The following SEMA4G variants were observed in gnomAD, a reference collection of about 807,000 sequenced individuals.
SEMA4G encodes the protein semaphorin-4G.
In SEMA4G, 59 loss-of-function variants were observed where a neutral mutation model predicts 81.2. The observed-to-expected ratio is 0.73, with a 90% CI of 0.59 to 0.90. The LOEUF is 0.90. Ranked by LOEUF, SEMA4G falls within the 40% of genes least tolerant of loss-of-function variation. The pLI, the probability that SEMA4G is intolerant of heterozygous loss-of-function variation, is 0.00. For synonymous variants in SEMA4G, 404 were observed against 433.9 expected, an observed-to-expected ratio of 0.93 and a Z score of 0.86; for missense variants, 952 against 1,102.3, an observed-to-expected ratio of 0.86 and a Z score of 1.93.
Position 100,973,265 on chromosome 10 carries a change from G to T in SEMA4G, c.261G>T (p.Gly87=). 1 of 1,613,000 alleles carries T rather than the reference G, an allele frequency of 6.2e-7. No homozygotes were observed. Among genetic ancestry groups the T allele is most frequent in the African/African-American group, 1.3e-5 (1 of 75,024 alleles). Residue 87 remains glycine, a synonymous_variant, in exon 2 of 14, where the codon GGG becomes GGT. Transcript: ENST00000370250. This position sits in a 1 kb window ranked among gnomAD's most constrained non-coding sequence, Gnocchi z 5.5. ...TCAGTGCCAACGACATAGGAGATGGGGCTCACAAAGAGGTCAGGCCCTGGA... is the reference window on the plus strand; with the variant it reads ...TCAGTGCCAACGACATAGGAGATGGTGCTCACAAAGAGGTCAGGCCCTGGA...
chr10:100,980,825 A>G (rs1316773436), exon 12 of SEMA4G: 3 of 1,567,328 alleles, frequency 1.9e-6, no homozygotes, highest in Non-Finnish European at 2.6e-6. Flanking sequence ...CTCCCAGCAC[A>G]GCCTCTATGT....
intron 13 of SEMA4G, among the ~76,000 whole-genome samples, chr10:100,982,692 A>G (rs1851158524): frequency 1.3e-5 from 2 of 152,224 alleles, no homozygotes; most frequent in African/African-American, 4.8e-5. Context: ...CTCAGGAGCC[A>G]GAGGCAAGAT....
Position 100,973,775 on chromosome 10 carries a change from AT to A in SEMA4G, c.336+179del, listed in dbSNP as rs200303442. Among the ~76,000 whole-genome samples, 40,421 of 145,296 alleles carry A rather than the reference AT, an allele frequency of 0.28. 6,186 individuals are homozygous for A. The highest frequency in any genetic ancestry group is 0.57 in the East Asian group (2,782 of 4,920). On this transcript the variant is annotated intron_variant, in intron 3 of 13. Coordinates refer to ENST00000370250, the Ensembl canonical transcript of SEMA4G. This position sits in a 1 kb window ranked among gnomAD's most constrained non-coding sequence, Gnocchi z 5.5. ...CAGAGTGGCAAGCCATGGGCACAGC[AT>A]TTTTTTTTTTTTCTTTTTTTGAGGT...
Position 100,978,469 on chromosome 10 carries a change from T to C in SEMA4G, c.530-58T>C, listed in dbSNP as rs1850898511. ...TCTCTAGGACCTGCCACCATGTATA[T>C]GTCATGTGCCCTGTTGAATATGACA... On this transcript the variant is annotated intron_variant, in intron 5 of 13. Transcript: ENST00000370250. 3 of 1,596,560 alleles carry C rather than the reference T, an allele frequency of 1.9e-6. No individual in the cohort carries two copies. The Admixed American group carries it at 5.0e-5, about 27-fold the overall frequency.
At chr10:100,979,730 C>T in intron 8 of SEMA4G, 118 bp from the exon 10 acceptor site, 1 of 1,133,406 alleles carries the variant, frequency 8.8e-7, no homozygotes, top group South Asian at 1.4e-5. Flanking sequence ...ACAGGAGAGG[C>T]CCTGTGGGAC....
At chr10:100,969,819 G>A, upstream of SEMA4G, 1 of 450,516 alleles carries the variant, frequency 2.2e-6, no homozygotes, top group South Asian at 1.6e-5. Flanking sequence ...AGCGCGGGGA[G>A]GGGGCCGCGT....
exon 6 of SEMA4G, chr10:100,978,528 T>C (rs1850902998): frequency 6.2e-7 from 1 of 1,613,848 alleles, no homozygotes; most frequent in South Asian, 1.1e-5. Flanking sequence ...CCACGCCAGA[T>C]GGAGGCCTCT....
chr10:100,980,920 C>T, exon 12 of SEMA4G: 1 of 1,612,368 alleles, frequency 6.2e-7, no homozygotes, highest in Non-Finnish European at 8.5e-7. Flanking sequence ...TGGCCCGAGA[C>T]CCCTACTGTG....
exon 1 of SEMA4G, chr10:100,972,801 A>C: frequency 8.2e-7 from 1 of 1,220,918 alleles, no homozygotes; most frequent in Non-Finnish European, 1.1e-6. Flanking sequence ...TGACCTTCCA[A>C]GTGACTTCCT....
At chr10:100,980,742 G>C (rs986881412) in intron 11 of SEMA4G, 49 bp downstream of exon 12, 11 of 1,606,600 alleles carry the variant, frequency 6.8e-6, no homozygotes, top group Non-Finnish European at 8.5e-6. Context: ...AATAGGAAGA[G>C]GGAGTGGGGA....
At chr10:100,980,971 C>T (rs750070570) in exon 12 of SEMA4G, 2 of 1,602,368 alleles carry the variant, frequency 1.2e-6, no homozygotes, top group African/African-American at 1.3e-5. Flanking sequence ...CAGCCACCAC[C>T]ATAGCCAACA....
chr10:100,970,718 A>G (rs1229314490), upstream of SEMA4G, among the ~76,000 whole-genome samples: 1 of 152,148 alleles, frequency 6.6e-6, no homozygotes, highest in Non-Finnish European at 1.5e-5. Context: ...CCCTGTATGC[A>G]TGTGTGCTTG....
chr10:100,971,463 C>A (rs1357813116), upstream of SEMA4G, among the ~76,000 whole-genome samples: 2 of 152,218 alleles, frequency 1.3e-5, no homozygotes, highest in Non-Finnish European at 2.9e-5. Flanking sequence ...CAGGGCTCTG[C>A]CCCTGCAGTG....
chr10:100,978,383 T>C (rs1477311108), exon 5 of SEMA4G: 1 of 1,613,032 alleles, frequency 6.2e-7, no homozygotes, highest in Non-Finnish European at 8.5e-7. Flanking sequence ...ACAGGCCTCA[T>C]CATTGGTGAG....
intron 4 of SEMA4G, 78 bp downstream of exon 5, chr10:100,977,808 A>C: frequency 1.6e-6 from 2 of 1,243,972 alleles, no homozygotes; most frequent in Non-Finnish European, 2.4e-6. Context: ...CAAAGAAGAG[A>C]CTCAGAGCCA....
rs1419626777 is a variant in SEMA4G at position 100,973,653 on chromosome 10, C to T, written c.336+44C>T. 3.8e-6 allele frequency: 6 copies of T among 1,569,942 alleles called. No homozygotes were observed. Among genetic ancestry groups the T allele is most frequent in the Non-Finnish European group, 5.3e-6 (6 of 1,142,184 alleles). On this transcript the variant is annotated intron_variant, in intron 3 of 13. Coordinates refer to ENST00000370250, the Ensembl canonical transcript of SEMA4G. This position sits in a 1 kb window ranked among gnomAD's most constrained non-coding sequence, Gnocchi z 5.5. ...CCCCAGCTCCTTTCCTCCCCTTCTT[C>T]CTCAATCAGGGATGCCAGGATTGTT...
intron 3 of SEMA4G, among the ~76,000 whole-genome samples, chr10:100,975,673 T>C (rs1007027738): frequency 9.2e-5 from 14 of 152,098 alleles, no homozygotes; most frequent in Non-Finnish European, 1.5e-4. Flanking sequence ...CTGGCCAACA[T>C]GGTGAAACCC....
rs529001904 is a variant in SEMA4G at position 100,978,262 on chromosome 10, G to A, written c.436-33G>A. 20 of 1,561,314 alleles carry A rather than the reference G, an allele frequency of 1.3e-5. No homozygotes were observed. Among genetic ancestry groups the A allele is most frequent in the Middle Eastern group, 2.0e-4 (1 of 4,904 alleles). Reference sequence around the variant, plus strand: ...TGAGCCACTGTCCCTGCCTGTCTTCGGAACCACTTACTGCTGGTTCCTTGT... The same window carrying A: ...TGAGCCACTGTCCCTGCCTGTCTTCAGAACCACTTACTGCTGGTTCCTTGT... On this transcript the variant is annotated intron_variant, in intron 4 of 13. Transcript: ENST00000370250.
At chr10:100,970,982 A>G (rs1850613494), upstream of SEMA4G, among the ~76,000 whole-genome samples, 1 of 152,134 alleles carries the variant, frequency 6.6e-6, no homozygotes, top group Non-Finnish European at 1.5e-5. Context: ...TGTAAATTCA[A>G]CGTCACATGT....
Sources: allele counts gnomAD v4.1 joint callset (sites outside exome capture counted in the v4.1 genomes callset), GRCh38; gene constraint gnomAD v4.1.1; non-coding constraint Gnocchi (gnomAD v3.1); transcripts MANE v1.5; gene names NCBI Gene and HGNC (gene_info 2026-07-23, HGNC 2026-07-21).